TDRD1: variants seen among roughly 807,000 people sequenced by gnomAD.
TDRD1 encodes tudor domain containing 1.
TDRD1 carries 37 observed loss-of-function variants against 140.6 expected under a neutral mutation model. The observed-to-expected ratio is 0.26, with a 90% CI of 0.20 to 0.35. The LOEUF (loss-of-function observed/expected upper bound fraction) is 0.35. TDRD1 is among the 10% of genes least tolerant of loss of function. The pLI, the probability that TDRD1 is intolerant of heterozygous loss-of-function variation, is 1.00. For missense variants in TDRD1, 1,243 were observed against 1,393.0 expected, an observed-to-expected ratio of 0.89 and a Z score of 1.71; for synonymous variants, 506 against 475.7, an observed-to-expected ratio of 1.06 and a Z score of -0.83.
At chr10:114,230,281 A>G (rs190569958) in intron 25 of TDRD1, among the ~76,000 whole-genome samples, 16 of 152,384 alleles carry the variant, frequency 1.0e-4, no homozygotes, top group Non-Finnish European at 1.9e-4. Context: ...GACAGGGCTT[A>G]GTAGCTTTCA....
At chr10:114,180,810 TG>T (rs1374891293) in intron 1 of TDRD1, among the ~76,000 whole-genome samples, 2 of 152,140 alleles carry the variant, frequency 1.3e-5, no homozygotes, top group East Asian at 3.9e-4. Context: ...GCAGAATACA[TG>T]GGGTTGCCAG....
downstream of TDRD1, among the ~76,000 whole-genome samples, chr10:114,232,504 CTTTT>C (rs140805425): frequency 0.09 from 7,304 of 80,722 alleles, 81 homozygotes; most frequent in African/African-American, 0.18. Flanking sequence ...ACTTGAAAGA[CTTTT>C]TTTTTTTTTT....
chr10:114,204,133 T>A, exon 9 of TDRD1: 1 of 1,604,112 alleles, frequency 6.2e-7, no homozygotes, highest in East Asian at 2.2e-5. Flanking sequence ...ACATGTCTTA[T>A]ATATTGATTA....
chr10:114,194,329 A>T (rs2034190285), intron 3 of TDRD1, among the ~76,000 whole-genome samples: 1 of 152,084 alleles, frequency 6.6e-6, no homozygotes, highest in Admixed American at 6.5e-5. Context: ...GGACCTGGAG[A>T]TTTCTTTTGG....
chr10:114,200,846 C>G (rs887178364), intron 4 of TDRD1, among the ~76,000 whole-genome samples: 4 of 128,652 alleles, frequency 3.1e-5, no homozygotes, highest in African/African-American at 1.2e-4. Flanking sequence ...CTTGCTGCTG[C>G]CTTTTTTTTT....
At chr10:114,175,655 T>G (rs186520642), upstream of TDRD1, among the ~76,000 whole-genome samples, 41 of 152,274 alleles carry the variant, frequency 2.7e-4, no homozygotes, top group Non-Finnish European at 5.0e-4. Flanking sequence ...CAAGATAGCC[T>G]AGGACATATT....
chr10:114,178,325 C>T (rs565578038), upstream of TDRD1, among the ~76,000 whole-genome samples: 107 of 152,270 alleles, frequency 7.0e-4, no homozygotes, highest in Admixed American at 1.5e-3. Context: ...TTAAACTACT[C>T]CAAAGCAGTG....
chr10:114,229,828 ATTTTTT>A (rs1409910416), intron 25 of TDRD1, among the ~76,000 whole-genome samples: 28 of 141,692 alleles, frequency 2.0e-4, no homozygotes, highest in Non-Finnish European at 4.1e-4. Context: ...TTTTTTTTTT[ATTTTTT>A]ATTTTTATTT....
upstream of TDRD1, among the ~76,000 whole-genome samples, chr10:114,178,931 A>G (rs1170918048): frequency 6.6e-6 from 1 of 152,094 alleles, no homozygotes; most frequent in African/African-American, 2.4e-5. Flanking sequence ...GTATAATCAC[A>G]TGCCCTCAGT....
chr10:114,227,337 T>C (rs2036494812), intron 23 of TDRD1, 38 bp downstream of exon 23: 1 of 1,388,860 alleles, frequency 7.2e-7, no homozygotes, highest in Non-Finnish European at 1.0e-6. Flanking sequence ...AGATGTTAAG[T>C]GTGAGGAATA....
chr10:114,192,948 A>G (rs1428857790), intron 3 of TDRD1, among the ~76,000 whole-genome samples: 2 of 152,182 alleles, frequency 1.3e-5, no homozygotes, highest in African/African-American at 4.8e-5. Context: ...TCCAACATAC[A>G]GTTTAGAATA....
Position 114,227,285 on chromosome 10 carries a change from G to A in TDRD1, c.3389G>A (p.Ser1130Asn), listed in dbSNP as rs201723199. ...AAAAACATCACACCTCAAAGGCAGAGTGCTTTAAATACAGGTATTCTTTTC... is the reference window on the plus strand; with the variant it reads ...AAAAACATCACACCTCAAAGGCAGAATGCTTTAAATACAGGTATTCTTTTC... The change falls in exon 23 of 26, where the codon AGT (serine) becomes AAT (asparagine). Residue 1130 changes from serine (S) to asparagine (N), a missense_variant. Around this residue, in one of 5 missense-constraint regions of TDRD1, gnomAD observed 601 missense variants for 734.7 expected, o/e 0.82. Transcript: ENST00000251864. 4.2e-5 allele frequency: 67 copies of A among 1,611,490 alleles called. No homozygotes were observed. The African/African-American group carries it at 8.1e-4, about 20-fold the overall frequency.
At chr10:114,224,823 T>A (rs1264586668) in intron 21 of TDRD1, among the ~76,000 whole-genome samples, 2 of 152,208 alleles carry the variant, frequency 1.3e-5, no homozygotes, top group Non-Finnish European at 2.9e-5. Flanking sequence ...TTCCCTAAGG[T>A]CCTGTTTTGT....
intron 2 of TDRD1, among the ~76,000 whole-genome samples, chr10:114,188,841 G>A (rs954820894): frequency 6.9e-6 from 1 of 144,650 alleles, no homozygotes; most frequent in African/African-American, 2.6e-5. Flanking sequence ...TGGTGACAGA[G>A]CGATACTCTG....
intron 11 of TDRD1, among the ~76,000 whole-genome samples, chr10:114,206,607 G>GTTTTTTTTTTTTTTTTTTTTT (rs1299669109): frequency 1.4e-5 from 2 of 138,128 alleles, no homozygotes; most frequent in Non-Finnish European, 1.5e-5. Context: ...TAGAGTTAGG[G>GTTTTTTTTTTTTTTTTTTTTT]TTTGTTTTTT....
At chr10:114,228,548 C>T (rs2036573994) in intron 25 of TDRD1, 3 of 990,286 alleles carry the variant, frequency 3.0e-6, no homozygotes, top group Admixed American at 5.9e-5. Flanking sequence ...ATCTAAAGGG[C>T]CAAGAACGGA....
intron 1 of TDRD1, among the ~76,000 whole-genome samples, chr10:114,181,057 C>T (rs1306990684): frequency 6.6e-6 from 1 of 152,096 alleles, no homozygotes; most frequent in African/African-American, 2.4e-5. Context: ...GGGTTCAAAG[C>T]GTGAAGTACA....
chr10:114,204,594 T>C, intron 9 of TDRD1, 128 bp from the exon 10 acceptor site: 1 of 924,594 alleles, frequency 1.1e-6, no homozygotes, highest in Non-Finnish European at 1.6e-6. Flanking sequence ...GAAAATTGTC[T>C]ATCTGATTAG....
chr10:114,211,757 T>G, intron 13 of TDRD1, 109 bp from the exon 14 acceptor site: 1 of 1,102,324 alleles, frequency 9.1e-7, no homozygotes, highest in Non-Finnish European at 1.2e-6. Context: ...AAGCTTGATA[T>G]CTATTAAAGA....
Sources: allele counts gnomAD v4.1 joint callset (sites outside exome capture counted in the v4.1 genomes callset), GRCh38; gene constraint gnomAD v4.1.1; regional missense constraint gnomAD v4.1.1; transcripts MANE v1.5; gene names NCBI Gene and HGNC (gene_info 2026-07-23, HGNC 2026-07-21).